Variants in TBC1D19 observed in about 807,000 individuals in gnomAD.
TBC1D19 encodes TBC1 domain family member 19, also known as TBC1 domain family, member 19.
Under a neutral mutation model 89.0 loss-of-function variants are expected in TBC1D19, and 60 were observed. The observed-to-expected ratio is 0.67, with a 90% CI of 0.55 to 0.84. The LOEUF is 0.84. TBC1D19 is among the 40% of genes least tolerant of loss of function. The probability of loss-of-function intolerance (pLI) is 0.00; values close to 1 mark genes in which losing one functional copy is unlikely to be tolerated. For synonymous variants in TBC1D19, 189 were observed against 199.7 expected (o/e 0.95, Z 0.45); for missense variants, 500 against 610.8 (o/e 0.82, Z 1.91).
chr4:26,732,338 C>T (rs553711681), intron 15 of TBC1D19, among the ~76,000 whole-genome samples: 41 of 152,318 alleles, frequency 2.7e-4, no homozygotes, highest in African/African-American at 9.9e-4. Flanking sequence ...GGCTCTTTAT[C>T]AGTAAGTCCT....
intron 1 of TBC1D19, among the ~76,000 whole-genome samples, chr4:26,596,748 C>T (rs117378764): frequency 1.3e-5 from 2 of 151,968 alleles, no homozygotes; most frequent in East Asian, 3.9e-4. Flanking sequence ...CTTCTGAGCA[C>T]TGCTTTGACT....
chr4:26,617,557 A>G (rs1370774286), intron 3 of TBC1D19, among the ~76,000 whole-genome samples: 1 of 152,254 alleles, frequency 6.6e-6, no homozygotes, highest in African/African-American at 2.4e-5. Flanking sequence ...ATAGCATCAA[A>G]TAAATGACAT....
At chr4:26,768,941 T>A in the TBC1D19 span, among the ~76,000 whole-genome samples, 1 of 151,552 alleles carries the variant, frequency 6.6e-6, no homozygotes, top group Non-Finnish European at 1.5e-5. Flanking sequence ...AAATTAAAAC[T>A]CTCCTGTCCA....
At chr4:26,650,661 G>A (rs1744299548) in intron 7 of TBC1D19, among the ~76,000 whole-genome samples, 1 of 152,104 alleles carries the variant, frequency 6.6e-6, no homozygotes. Flanking sequence ...CATTCTGTAG[G>A]TTGCCTGTTC....
the TBC1D19 span, among the ~76,000 whole-genome samples, chr4:26,819,510 C>T: frequency 1.3e-5 from 2 of 152,176 alleles, no homozygotes; most frequent in South Asian, 4.1e-4. Flanking sequence ...ACCACATATA[C>T]CCTGGTCCAA....
the TBC1D19 span, among the ~76,000 whole-genome samples, chr4:26,814,051 G>T: frequency 1.3e-5 from 2 of 151,916 alleles, no homozygotes; most frequent in African/African-American, 4.8e-5. Flanking sequence ...AGGCCTCTGG[G>T]CACCTTGATC....
intron 13 of TBC1D19, among the ~76,000 whole-genome samples, chr4:26,700,491 C>T (rs775763196): frequency 2.0e-5 from 3 of 151,782 alleles, no homozygotes; most frequent in Non-Finnish European, 2.9e-5. Flanking sequence ...ATATTATTGT[C>T]ATTAAGCTGA....
the TBC1D19 span, among the ~76,000 whole-genome samples, chr4:26,817,975 A>ACATATATATATATATATATAT: frequency 3.8e-3 from 401 of 105,110 alleles, 7 homozygotes; most frequent in African/African-American, 0.012. Flanking sequence ...ATTTAAAAAA[A>ACATATATATATATATATATAT]AAAAAAATAT....
chr4:26,762,349 T>C, the TBC1D19 span, among the ~76,000 whole-genome samples: 1 of 152,234 alleles, frequency 6.6e-6, no homozygotes, highest in Non-Finnish European at 1.5e-5. Flanking sequence ...AATTACTTAT[T>C]CAACTATTCT....
the TBC1D19 span, among the ~76,000 whole-genome samples, chr4:26,850,681 A>G: frequency 6.6e-6 from 1 of 152,158 alleles, no homozygotes; most frequent in Non-Finnish European, 1.5e-5. Context: ...CCTTGCTCAC[A>G]GTCCTCAGAA....
chr4:26,610,076 G>A (rs1000380895), intron 1 of TBC1D19, among the ~76,000 whole-genome samples: 4 of 152,060 alleles, frequency 2.6e-5, no homozygotes, highest in African/African-American at 9.7e-5. Context: ...TAAGTAAGGT[G>A]GCAAGAAGCC....
At chr4:26,588,875 G>T (rs183743283) in intron 1 of TBC1D19, among the ~76,000 whole-genome samples, 1 of 152,148 alleles carries the variant, frequency 6.6e-6, no homozygotes, top group Non-Finnish European at 1.5e-5. Context: ...TGTCAATTAG[G>T]TCTAGTAGGC....
intron 13 of TBC1D19, among the ~76,000 whole-genome samples, chr4:26,713,341 T>C (rs1237545349): frequency 6.6e-6 from 1 of 152,064 alleles, no homozygotes; most frequent in African/African-American, 2.4e-5. Context: ...TTTTATACTT[T>C]TTATACACTA....
chr4:26,822,442 T>C, the TBC1D19 span, among the ~76,000 whole-genome samples: 7 of 152,238 alleles, frequency 4.6e-5, no homozygotes, highest in African/African-American at 1.7e-4. Context: ...GAAACCCTTT[T>C]TACTTCCTGC....
At chr4:26,687,450 C>T (rs765820578) in intron 12 of TBC1D19, among the ~76,000 whole-genome samples, 11 of 152,124 alleles carry the variant, frequency 7.2e-5, no homozygotes, top group Non-Finnish European at 1.3e-4. Flanking sequence ...ACACAAGCAG[C>T]AGTTTCCAAC....
intron 1 of TBC1D19, among the ~76,000 whole-genome samples, chr4:26,588,901 T>C (rs1444074773): frequency 1.3e-5 from 2 of 152,186 alleles, no homozygotes; most frequent in East Asian, 3.8e-4. Context: ...TGTTTCAGTA[T>C]TCTATATCCT....
At chr4:26,778,660 A>G in the TBC1D19 span, among the ~76,000 whole-genome samples, 1 of 152,100 alleles carries the variant, frequency 6.6e-6, no homozygotes. Flanking sequence ...TCACTCTCAT[A>G]TGCCTTACAG....
intron 15 of TBC1D19, among the ~76,000 whole-genome samples, chr4:26,723,381 C>G (rs1717098618): frequency 6.6e-6 from 1 of 152,134 alleles, no homozygotes; most frequent in South Asian, 2.1e-4. Flanking sequence ...GTCACTACTA[C>G]CACCAAAACT....
chr4:26,722,888 C>A lies in TBC1D19; in HGVS notation c.1084+2763C>A, dbSNP rs1362689766. Among the ~76,000 whole-genome samples, 13 of 152,264 alleles carry A rather than the reference C, an allele frequency of 8.5e-5. No individual in the cohort carries two copies. The East Asian group carries it at 1.7e-3, about 20-fold the overall frequency. ...AGGCATAGAGTGTTAACCTGCCCAACAGGTGAGTGACAAAGCCAAGCTTTG... is the reference window on the plus strand; with the variant it reads ...AGGCATAGAGTGTTAACCTGCCCAAAAGGTGAGTGACAAAGCCAAGCTTTG... On this transcript the variant is annotated intron_variant, in intron 15 of 20. Coordinates refer to ENST00000264866, the MANE Select transcript of TBC1D19 (RefSeq NM_018317.4).
Sources: allele counts gnomAD v4.1 joint callset (sites outside exome capture counted in the v4.1 genomes callset), GRCh38; gene constraint gnomAD v4.1.1; transcripts MANE v1.5; gene names NCBI Gene and HGNC (gene_info 2026-07-23, HGNC 2026-07-21).